LTBP1: variants seen among roughly 807,000 people sequenced by gnomAD.
LTBP1 encodes latent transforming growth factor beta binding protein 1.
LTBP1 carries 129 observed loss-of-function variants against 207.6 expected under a neutral mutation model. The ratio of observed to expected loss-of-function variants is 0.62; its 90% CI spans 0.54 to 0.72. The LOEUF (loss-of-function observed/expected upper bound fraction) is 0.72, where lower values mean the gene tolerates loss of function less well. Ranked by LOEUF, LTBP1 falls within the 30% of genes least tolerant of loss-of-function variation. The pLI is 0.00. For synonymous variants in LTBP1, 963 were observed against 833.7 expected, an observed-to-expected ratio of 1.16 and a Z score of -2.67; for missense variants, 2,281 against 2,217.2, an observed-to-expected ratio of 1.03 and a Z score of -0.58.
intron 3 of LTBP1, among the ~76,000 whole-genome samples, chr2:33,083,338 A>T (rs1258835311): frequency 1.3e-5 from 2 of 152,060 alleles, no homozygotes; most frequent in Non-Finnish European, 2.9e-5. Context: ...AAGAAAAAAA[A>T]ATTAGATCAT....
chr2:33,311,075 A>G (rs527578923), intron 23 of LTBP1, among the ~76,000 whole-genome samples: 4 of 151,902 alleles, frequency 2.6e-5, no homozygotes, highest in Non-Finnish European at 5.9e-5. Flanking sequence ...CTCATCTCAC[A>G]TGTCCCAAAT....
intron 4 of LTBP1, among the ~76,000 whole-genome samples, chr2:33,130,023 A>G (rs915335721): frequency 2.0e-5 from 3 of 152,224 alleles, no homozygotes; most frequent in Non-Finnish European, 4.4e-5. Flanking sequence ...AGAGCAGTCT[A>G]TGGGCATTAT....
At chr2:33,285,471 CG>C (rs1558947220) in intron 19 of LTBP1, among the ~76,000 whole-genome samples, 1 of 108,594 alleles carries the variant, frequency 9.2e-6, no homozygotes, top group Non-Finnish European at 1.8e-5. Context: ...TTTTTTGAGA[CG>C]GAGTCTCCCT....
chr2:33,025,702 A>T (rs376719462), intron 3 of LTBP1, among the ~76,000 whole-genome samples: 1 of 152,368 alleles, frequency 6.6e-6, no homozygotes, highest in East Asian at 1.9e-4. Flanking sequence ...ATCATGTTAA[A>T]GTATTTACAG....
intron 19 of LTBP1, chr2:33,291,800 A>G (rs894497351): frequency 2.6e-5 from 4 of 152,264 alleles, no homozygotes; most frequent in Admixed American, 1.3e-4. Context: ...AAGAAAGAAT[A>G]CAGTCTTAAT....
intron 3 of LTBP1, among the ~76,000 whole-genome samples, chr2:33,071,025 T>A (rs2077760468): frequency 6.6e-6 from 1 of 152,204 alleles, no homozygotes; most frequent in South Asian, 2.1e-4. Context: ...TAATCATACA[T>A]GATCTGGCCA....
At chr2:33,017,441 G>C (rs1688543100) in intron 2 of LTBP1, among the ~76,000 whole-genome samples, 1 of 152,136 alleles carries the variant, frequency 6.6e-6, no homozygotes, top group African/African-American at 2.4e-5. Context: ...GCAGGCTTGG[G>C]GTAGCCCAAG....
At position 33,174,717 on chromosome 2, in the gene LTBP1, A is replaced by T. The variant is rs912226599; in HGVS notation, c.1202-12139A>T. Among the ~76,000 whole-genome samples the T allele has an allele frequency of 6.6e-4, 101 of 152,152 alleles. 3 individuals carry two copies. The highest frequency in any genetic ancestry group is 3.8e-4 in the East Asian group (2 of 5,200). ...TCGCAAAGTGAATCCTAAGCCAAAAAAACAAAGCTGGAGGCATCACACTAC... is the reference window on the plus strand; with the variant it reads ...TCGCAAAGTGAATCCTAAGCCAAAATAACAAAGCTGGAGGCATCACACTAC... On this transcript the variant is annotated intron_variant, in intron 5 of 33. Coordinates refer to ENST00000404816, the MANE Select transcript of LTBP1 (RefSeq NM_206943.4).
At chr2:32,989,159 A>G (rs1338967122) in intron 2 of LTBP1, among the ~76,000 whole-genome samples, 1 of 152,224 alleles carries the variant, frequency 6.6e-6, no homozygotes, top group Non-Finnish European at 1.5e-5. Context: ...TTAGAAGACA[A>G]TTTTAAAATA....
intron 3 of LTBP1, among the ~76,000 whole-genome samples, chr2:33,025,865 T>G (rs2149268300): frequency 6.6e-6 from 1 of 152,320 alleles, no homozygotes; most frequent in Non-Finnish European, 1.5e-5. Flanking sequence ...TTTGAAATTT[T>G]CTGTAATAAA....
intron 3 of LTBP1, among the ~76,000 whole-genome samples, chr2:33,084,385 G>C (rs988558338): frequency 6.6e-6 from 1 of 152,188 alleles, no homozygotes; most frequent in Non-Finnish European, 1.5e-5. Context: ...GGTTCTGGGG[G>C]TTGGGAAGGT....
At chr2:33,207,805 A>G (rs1182071244) in intron 7 of LTBP1, among the ~76,000 whole-genome samples, 1 of 152,250 alleles carries the variant, frequency 6.6e-6, no homozygotes, top group Non-Finnish European at 1.5e-5. Flanking sequence ...CTGGGACACT[A>G]AAGAGTGTTC....
chr2:33,048,918 A>T (rs1183385872), intron 3 of LTBP1, among the ~76,000 whole-genome samples: 1 of 152,216 alleles, frequency 6.6e-6, no homozygotes, highest in Non-Finnish European at 1.5e-5. Context: ...TAAAAGACAA[A>T]CATTTTGAAA....
rs558655806 is a variant in LTBP1, at chr2:33,255,380, G to C, written c.2168-1904G>C. Among the ~76,000 whole-genome samples, 872 of 152,134 alleles carry C rather than the reference G, an allele frequency of 5.7e-3. 13 individuals carry two copies. The highest frequency in any genetic ancestry group is 0.02 in the African/African-American group (839 of 41,488). On this transcript the variant is annotated intron_variant, in intron 11 of 33. Transcript: ENST00000404816. ...GAAATAGGAACACTCTTACACTGTT[G>C]GTGGGACTGTAAACTAGTTCAACCA...
rs545652299 is a variant in LTBP1, at chr2:33,119,783, C to G, written c.1033+9032C>G. Reference sequence around the variant, plus strand: ...CCATATTAGCCAGGATGGTCTTGATCTCCCGACCTCGTGATCCTCCCGCCT... The same window carrying G: ...CCATATTAGCCAGGATGGTCTTGATGTCCCGACCTCGTGATCCTCCCGCCT... On this transcript the variant is annotated intron_variant, in intron 4 of 33. Coordinates refer to ENST00000404816, the MANE Select transcript of LTBP1 (RefSeq NM_206943.4). 6.6e-5 allele frequency among the ~76,000 whole-genome samples: 10 copies of G among 152,264 alleles called. No individual in the cohort carries two copies. In the East Asian group the frequency reaches 1.9e-3, roughly 29 times the overall value.
At chr2:33,297,585 T>C (rs1201696627) in intron 20 of LTBP1, among the ~76,000 whole-genome samples, 1 of 151,938 alleles carries the variant, frequency 6.6e-6, no homozygotes, top group East Asian at 1.9e-4. Flanking sequence ...GCACGTGCCA[T>C]CACACCTGGC....
chr2:32,998,090 C>G (rs1163887118), intron 2 of LTBP1, among the ~76,000 whole-genome samples: 1 of 152,172 alleles, frequency 6.6e-6, no homozygotes, highest in African/African-American at 2.4e-5. Context: ...ATGGACCATA[C>G]TAGTACCTTG....
intron 9 of LTBP1, among the ~76,000 whole-genome samples, chr2:33,231,021 A>C (rs2091754508): frequency 2.0e-5 from 3 of 152,244 alleles, no homozygotes; most frequent in South Asian, 4.1e-4. Context: ...TAAATGACTC[A>C]GTATTCCACA....
At chr2:33,167,546 C>G (rs924324082) in intron 5 of LTBP1, among the ~76,000 whole-genome samples, 7 of 152,242 alleles carry the variant, frequency 4.6e-5, no homozygotes, top group Non-Finnish European at 1.0e-4. Flanking sequence ...GTCCTGCACA[C>G]AAGCATTTGT....
Sources: gnomAD v4.1 joint callset for allele counts (sites outside exome capture counted in the v4.1 genomes callset) on GRCh38, gnomAD v4.1.1 for gene constraint, MANE v1.5 for transcripts, NCBI Gene and HGNC (gene_info 2026-07-23, HGNC 2026-07-21) for gene names.